Variants in KLF17 observed in about 807,000 individuals in gnomAD.
The protein encoded by KLF17 is KLF transcription factor 17, also known as Krueppel-like factor 17.
Under a neutral mutation model 34.2 loss-of-function variants are expected in KLF17, and 31 were observed. The observed-to-expected ratio is 0.91, with a 90% CI of 0.68 to 1.22. The LOEUF is 1.22. KLF17 is among the 50% of genes most tolerant of loss of function. The probability of loss-of-function intolerance (pLI) is 0.00; values close to 1 mark genes in which losing one functional copy is unlikely to be tolerated. For synonymous variants in KLF17, 179 were observed against 186.7 expected (o/e 0.96, Z 0.34); for missense variants, 478 against 505.2 (o/e 0.95, Z 0.52).
At chr1:44,065,405 G>GTTT in the KLF17 span, among the ~76,000 whole-genome samples, 54 of 119,010 alleles carry the variant, frequency 4.5e-4, no homozygotes, top group East Asian at 6.9e-4. Flanking sequence ...ATAATCCTTG[G>GTTT]TTTTTTTTTT....
the KLF17 span, chr1:44,107,065 G>A: frequency 3.3e-5 from 5 of 152,204 alleles, no homozygotes; most frequent in Admixed American, 1.3e-4. Context: ...GAGGAGAGAG[G>A]TGGGAATGTA....
At chr1:44,103,714 C>T in the KLF17 span, 3 of 1,546,826 alleles carry the variant, frequency 1.9e-6, no homozygotes, top group Admixed American at 1.7e-5. Context: ...GCCTCCAGCT[C>T]GGACAGCTTG....
the KLF17 span, among the ~76,000 whole-genome samples, chr1:44,061,854 G>A: frequency 6.6e-6 from 1 of 152,126 alleles, no homozygotes; most frequent in Non-Finnish European, 1.5e-5. Context: ...GGAGGCGGAG[G>A]TTGCAGTGAG....
chr1:44,118,769 G>T (rs1334378965), upstream of KLF17: 3 of 653,634 alleles, frequency 4.6e-6, no homozygotes, highest in Non-Finnish European at 7.4e-6. Context: ...GGTGGGGCCT[G>T]ACCCCGCCCC....
At chr1:44,108,976 A>G in the KLF17 span, among the ~76,000 whole-genome samples, 2 of 152,050 alleles carry the variant, frequency 1.3e-5, no homozygotes, top group Non-Finnish European at 2.9e-5. Context: ...CTGTTAGTTC[A>G]TTTTGTATGA....
the KLF17 span, among the ~76,000 whole-genome samples, chr1:44,102,572 AC>A: frequency 2.0e-5 from 1 of 49,894 alleles, no homozygotes; most frequent in African/African-American, 6.4e-5. Context: ...ACATACACAC[AC>A]ACACACACAC....
At chr1:44,079,449 G>A in the KLF17 span, among the ~76,000 whole-genome samples, 2 of 151,318 alleles carry the variant, frequency 1.3e-5, no homozygotes, top group Admixed American at 1.3e-4. Flanking sequence ...GGCACATACC[G>A]CCACCATGCT....
chr1:44,057,408 T>C, the KLF17 span, among the ~76,000 whole-genome samples: 8 of 152,164 alleles, frequency 5.3e-5, no homozygotes, highest in African/African-American at 1.9e-4. Flanking sequence ...TGCTGTCCTT[T>C]TCCTTTGGGA....
the KLF17 span, chr1:44,104,054 G>T: frequency 1.1e-6 from 1 of 874,944 alleles, no homozygotes; most frequent in Non-Finnish European, 2.0e-6. Flanking sequence ...CAGACGTGGC[G>T]GAGATCTGGG....
chr1:44,126,141 A>G (rs2088005621), intron 1 of KLF17, among the ~76,000 whole-genome samples: 1 of 152,110 alleles, frequency 6.6e-6, no homozygotes, highest in Admixed American at 6.5e-5. Flanking sequence ...CTCCTGCCTC[A>G]GCCTCCTGAG....
chr1:44,104,015 G>T, the KLF17 span: 1 of 860,366 alleles, frequency 1.2e-6, no homozygotes, highest in Non-Finnish European at 2.0e-6. Flanking sequence ...CCGTGTCCAT[G>T]GAGCGGCTGT....
At chr1:44,097,074 T>A in the KLF17 span, among the ~76,000 whole-genome samples, 1 of 152,230 alleles carries the variant, frequency 6.6e-6, no homozygotes, top group Admixed American at 6.5e-5. Context: ...ACACCATTGA[T>A]TAAATAGGGA....
At chr1:44,046,483 AG>A in the KLF17 span, among the ~76,000 whole-genome samples, 2 of 151,814 alleles carry the variant, frequency 1.3e-5, no homozygotes, top group Non-Finnish European at 2.9e-5. Context: ...GGCCTCCCAA[AG>A]TACTGCAATT....
At chr1:44,120,555 G>C (rs1252308718) in intron 1 of KLF17, among the ~76,000 whole-genome samples, 2 of 152,198 alleles carry the variant, frequency 1.3e-5, no homozygotes, top group Non-Finnish European at 2.9e-5. Flanking sequence ...GGTCATAGTG[G>C]GATGGAAGTC....
the KLF17 span, among the ~76,000 whole-genome samples, chr1:44,079,307 C>CTTTTTTTTTTTTTTT: frequency 7.1e-6 from 1 of 140,898 alleles, no homozygotes; most frequent in East Asian, 2.1e-4. Flanking sequence ...TTTTCTTCTC[C>CTTTTTTTTTTTTTTT]TTTTTTTTTT....
At chr1:44,091,581 G>T in the KLF17 span, among the ~76,000 whole-genome samples, 1 of 147,846 alleles carries the variant, frequency 6.8e-6, no homozygotes, top group Non-Finnish European at 1.5e-5. Flanking sequence ...TCTTGAACCT[G>T]GGAGGCGGAG....
At chr1:44,109,219 T>A in the KLF17 span, among the ~76,000 whole-genome samples, 1 of 152,218 alleles carries the variant, frequency 6.6e-6, no homozygotes, top group South Asian at 2.1e-4. Context: ...CTGAGGGTAT[T>A]AACAAATTAG....
the KLF17 span, among the ~76,000 whole-genome samples, chr1:44,098,455 ATT>A: frequency 7.3e-6 from 1 of 137,560 alleles, no homozygotes; most frequent in Non-Finnish European, 1.6e-5. Flanking sequence ...AATTTTATTT[ATT>A]TCTCTTCTGA....
chr1:44,071,853 C>T, the KLF17 span, among the ~76,000 whole-genome samples: 1 of 152,150 alleles, frequency 6.6e-6, no homozygotes, highest in African/African-American at 2.4e-5. Context: ...CATAGCTCTC[C>T]ACACTCTTGG....
Sources: gnomAD v4.1 joint callset for allele counts (sites outside exome capture counted in the v4.1 genomes callset) on GRCh38, gnomAD v4.1.1 for gene constraint, MANE v1.5 for transcripts, NCBI Gene and HGNC (gene_info 2026-07-23, HGNC 2026-07-21) for gene names.